Variants in M1AP observed in about 807,000 individuals in gnomAD.
The protein encoded by M1AP is meiosis 1 arrest protein.
In M1AP, 39 loss-of-function variants were observed where a neutral mutation model predicts 51.2. The ratio of observed to expected loss-of-function variants is 0.76; its 90% CI spans 0.59 to 1.00. M1AP has a LOEUF of 1.00. M1AP is among the 50% of genes least tolerant of loss of function. The pLI is 0.00. For synonymous variants in M1AP, 251 were observed against 249.2 expected (o/e 1.01, Z -0.07); for missense variants, 545 against 641.2 (o/e 0.85, Z 1.62).
chr2:74,590,130 A>G (rs115854684), intron 4 of M1AP, among the ~76,000 whole-genome samples: 351 of 152,304 alleles, frequency 2.3e-3, no homozygotes, highest in Non-Finnish European at 4.1e-3. Context: ...CTATCACAAA[A>G]TACCACAAAC....
At chr2:74,642,674 G>C (rs1683360625) in intron 1 of M1AP, among the ~76,000 whole-genome samples, 1 of 152,184 alleles carries the variant, frequency 6.6e-6, no homozygotes, top group South Asian at 2.1e-4. Context: ...GTGTGCCAAT[G>C]ATTGTGTATA....
intron 1 of M1AP, among the ~76,000 whole-genome samples, chr2:74,645,693 AACTAT>A (rs1457003116): frequency 5.3e-5 from 8 of 152,216 alleles, no homozygotes; most frequent in African/African-American, 1.9e-4. Flanking sequence ...AACTGGGTAT[AACTAT>A]GACTGCTGAA....
At chr2:74,625,448 G>T (rs2104782515) in intron 2 of M1AP, among the ~76,000 whole-genome samples, 1 of 151,612 alleles carries the variant, frequency 6.6e-6, no homozygotes, top group South Asian at 2.1e-4. Flanking sequence ...TAGATTTTTT[G>T]GTTTTATATT....
chr2:74,605,563 C>T (rs1680925395), intron 4 of M1AP, among the ~76,000 whole-genome samples: 1 of 152,050 alleles, frequency 6.6e-6, no homozygotes, highest in Non-Finnish European at 1.5e-5. Context: ...TGTTGTATAG[C>T]AGATATCTAG....
At chr2:74,588,958 G>A (rs900566961) in intron 4 of M1AP, among the ~76,000 whole-genome samples, 1 of 152,290 alleles carries the variant, frequency 6.6e-6, no homozygotes, top group South Asian at 2.1e-4. Context: ...GCCTACTTTC[G>A]TGGCTTACAT....
At chr2:74,571,216 G>C (rs969084311) in intron 7 of M1AP, among the ~76,000 whole-genome samples, 2 of 152,188 alleles carry the variant, frequency 1.3e-5, no homozygotes, top group South Asian at 2.1e-4. Flanking sequence ...GGAAGTAAAG[G>C]AGAGTTACAA....
chr2:74,603,004 T>C (rs2104685057), intron 4 of M1AP, among the ~76,000 whole-genome samples: 1 of 152,314 alleles, frequency 6.6e-6, no homozygotes, highest in South Asian at 2.1e-4. Flanking sequence ...GAAAAGAACA[T>C]AGTCCATGCC....
chr2:74,612,060 A>AT (rs528664746), intron 3 of M1AP, among the ~76,000 whole-genome samples: 72 of 149,954 alleles, frequency 4.8e-4, no homozygotes, highest in African/African-American at 1.6e-3. Context: ...CGCCTGGCTA[A>AT]TTTTTTGTAT....
chr2:74,594,777 G>A lies in M1AP; in HGVS notation c.595+12278C>T, dbSNP rs78389477. Among the ~76,000 whole-genome samples the A allele has an allele frequency of 4.5e-3, 684 of 152,042 alleles. 5 individuals carry two copies. Among genetic ancestry groups the A allele is most frequent in the African/African-American group, 0.016 (656 of 41,472 alleles). On this transcript the variant is annotated intron_variant, in intron 4 of 10. Transcript: ENST00000421985. The stretch of plus-strand genomic sequence containing the variant: ...CTGTGGTCCCAGCTACTTGGGAGAC[G>A]AAAGTGGGAGGATCATCTGAGCCCA...
intron 4 of M1AP, among the ~76,000 whole-genome samples, chr2:74,590,388 C>T (rs1311269748): frequency 6.7e-6 from 1 of 149,448 alleles, no homozygotes; most frequent in Non-Finnish European, 1.5e-5. Context: ...TCAAAGGCCC[C>T]ACCTCCTAAT....
At chr2:74,609,447 T>C (rs1421338132) in intron 3 of M1AP, among the ~76,000 whole-genome samples, 1 of 152,246 alleles carries the variant, frequency 6.6e-6, no homozygotes, top group African/African-American at 2.4e-5. Context: ...ATTTTAAAAA[T>C]CCATTTATCC....
At chr2:74,618,722 ACTT>A (rs972583283) in intron 2 of M1AP, 8 of 210,730 alleles carry the variant, frequency 3.8e-5, no homozygotes, top group African/African-American at 1.9e-4. Flanking sequence ...ATTCTTAGAA[ACTT>A]CTATATCCCG....
At chr2:74,577,164 T>C (rs1553409011) in intron 5 of M1AP, among the ~76,000 whole-genome samples, 1 of 152,010 alleles carries the variant, frequency 6.6e-6, no homozygotes, top group Non-Finnish European at 1.5e-5. Flanking sequence ...ACATTCAGAG[T>C]GGGGGGAAAG....
chr2:74,594,262 G>T (rs1034238429), intron 4 of M1AP, among the ~76,000 whole-genome samples: 3 of 152,104 alleles, frequency 2.0e-5, no homozygotes, highest in African/African-American at 7.2e-5. Context: ...AGAAAACTAT[G>T]ACTCAGTCTC....
intron 7 of M1AP, among the ~76,000 whole-genome samples, chr2:74,565,568 C>T (rs1678321063): frequency 6.6e-6 from 1 of 152,012 alleles, no homozygotes; most frequent in Admixed American, 6.6e-5. Context: ...GTGGCTCACA[C>T]CTGTAATCCT....
At chr2:74,587,772 G>A (rs1162141277) in intron 4 of M1AP, among the ~76,000 whole-genome samples, 1 of 152,092 alleles carries the variant, frequency 6.6e-6, no homozygotes, top group Non-Finnish European at 1.5e-5. Flanking sequence ...CTTAGTGTTT[G>A]GATAGTTAAA....
chr2:74,619,866 A>G (rs1681900977), intron 2 of M1AP, among the ~76,000 whole-genome samples: 1 of 152,222 alleles, frequency 6.6e-6, no homozygotes, highest in South Asian at 2.1e-4. Context: ...TCTCATGAAA[A>G]GCATTTATTC....
At chr2:74,565,720 T>G (rs1678332445) in intron 7 of M1AP, among the ~76,000 whole-genome samples, 1 of 151,600 alleles carries the variant, frequency 6.6e-6, no homozygotes, top group Non-Finnish European at 1.5e-5. Context: ...TCCCAGCTAC[T>G]CAGGAAGCTG....
At position 74,562,286 on chromosome 2, in the gene M1AP, T is replaced by C. The variant is rs1408159890; in HGVS notation, c.1212A>G (p.Glu404=). The change falls in exon 8 of 11, where the codon GAA becomes GAG. Residue 404 remains glutamate, a synonymous_variant. Transcript: ENST00000421985. ...GGGGGAAGGTGCTGGGCAGCATCAGTTCCCGCGTGGCCACCGCCTTTACCA... is the reference window on the plus strand; with the variant it reads ...GGGGGAAGGTGCTGGGCAGCATCAGCTCCCGCGTGGCCACCGCCTTTACCA... ...TLLVKAVATR[E]LMLPSTFPLL... 4 of 1,614,070 alleles carry C rather than the reference T, an allele frequency of 2.5e-6. No individual in the cohort carries two copies. The highest frequency in any genetic ancestry group is 1.3e-5 in the African/African-American group (1 of 74,938).
Sources: gnomAD v4.1 joint callset for allele counts (sites outside exome capture counted in the v4.1 genomes callset) on GRCh38, gnomAD v4.1.1 for gene constraint, MANE v1.5 for transcripts, NCBI Gene and HGNC (gene_info 2026-07-23, HGNC 2026-07-21) for gene names.